The following CALU variants were observed in gnomAD, a reference collection of about 807,000 sequenced individuals.
CALU encodes calumenin.
CALU carries 13 observed loss-of-function variants against 37.5 expected under a neutral mutation model. The ratio of observed to expected loss-of-function variants is 0.35; its 90% CI spans 0.23 to 0.55. The LOEUF is 0.55. Among genes scored for constraint, CALU ranks in the 20% least tolerant of loss-of-function variants. The probability of loss-of-function intolerance (pLI) is 0.89; values close to 1 mark genes in which losing one functional copy is unlikely to be tolerated. For synonymous variants in CALU, 114 were observed against 133.8 expected (o/e 0.85, Z 1.02); for missense variants, 282 against 391.7 (o/e 0.72, Z 2.36).
At chr7:128,747,021 G>A (rs1260018190) in intron 1 of CALU, among the ~76,000 whole-genome samples, 1 of 152,152 alleles carries the variant, frequency 6.6e-6, no homozygotes, top group Non-Finnish European at 1.5e-5. Flanking sequence ...ACCCGCCTCG[G>A]CCTCCCAGTG....
chr7:128,767,054 G>A (rs1401799861), intron 5 of CALU, among the ~76,000 whole-genome samples: 3 of 152,150 alleles, frequency 2.0e-5, no homozygotes, highest in Non-Finnish European at 4.4e-5. Flanking sequence ...CCCAACTGAA[G>A]GCCACTGGTA....
chr7:128,760,237 A>G (rs530240913), intron 5 of CALU, among the ~76,000 whole-genome samples: 1 of 152,234 alleles, frequency 6.6e-6, no homozygotes, highest in East Asian at 1.9e-4. Context: ...CCATAGAAAC[A>G]ATTTACTCCA....
intron 1 of CALU, chr7:128,748,371 A>G: frequency 6.7e-7 from 1 of 1,499,804 alleles, no homozygotes; most frequent in Non-Finnish European, 8.9e-7. Flanking sequence ...GAAACTGGTA[A>G]AAATTTCTCA....
At chr7:128,768,399 G>A (rs1801412335) in intron 6 of CALU, among the ~76,000 whole-genome samples, 1 of 152,142 alleles carries the variant, frequency 6.6e-6, no homozygotes, top group South Asian at 2.1e-4. Context: ...AAAAGGAAAT[G>A]CATGTAGTCA....
intron 5 of CALU, among the ~76,000 whole-genome samples, chr7:128,762,291 T>A (rs946380368): frequency 6.6e-6 from 1 of 152,068 alleles, no homozygotes; most frequent in African/African-American, 2.4e-5. Flanking sequence ...GATATTTCTG[T>A]CTCCCTGTGT....
At position 128,769,420 on chromosome 7, in the gene CALU, GTTTATTTTTGTAT is replaced by G. The variant is rs1562884160; in HGVS notation, c.*257_*269del. On this transcript the variant is annotated 3_prime_UTR_variant, in exon 7 of 7. Coordinates refer to ENST00000249364, the MANE Select transcript of CALU (RefSeq NM_001219.5). ...TTTGTATTATGTATTAACATGGCGT[GTTTATTTTTGTAT>G]TTTTCTCTGGTTGGGAGTATGATAT... is the stretch of plus-strand genomic sequence containing the variant. 8.0e-6 allele frequency: 2 copies of G among 250,944 alleles called. No individual in the cohort carries two copies. Among genetic ancestry groups the G allele is most frequent in the East Asian group, 7.7e-5 (1 of 12,908 alleles). The allele number at this position is 250,944 out of a possible 1,614,324, so 15.5% of individuals were successfully genotyped here. A position where few individuals can be genotyped will look rare whatever the true frequency, so the allele number is the denominator to read the frequency against.
chr7:128,745,783 G>A (rs913432891), intron 1 of CALU, among the ~76,000 whole-genome samples: 3 of 152,146 alleles, frequency 2.0e-5, no homozygotes, highest in Admixed American at 2.0e-4. Context: ...TTCACCCAGA[G>A]CAATATTTTA....
chr7:128,768,575 A>G (rs2128883778), intron 6 of CALU, among the ~76,000 whole-genome samples: 1 of 152,304 alleles, frequency 6.6e-6, no homozygotes, highest in South Asian at 2.1e-4. Flanking sequence ...ACGATGGCTC[A>G]CGCCTGTAAT....
chr7:128,744,579 A>G (rs533255752), intron 1 of CALU, among the ~76,000 whole-genome samples: 1 of 152,164 alleles, frequency 6.6e-6, no homozygotes, highest in South Asian at 2.1e-4. Flanking sequence ...GTAAAGATGG[A>G]CCATTGGCTT....
At chr7:128,762,654 CAACT>C (rs1245709171) in intron 5 of CALU, among the ~76,000 whole-genome samples, 1 of 151,530 alleles carries the variant, frequency 6.6e-6, no homozygotes. Context: ...CAGACGTACA[CAACT>C]TATTTGTTTA....
intron 5 of CALU, among the ~76,000 whole-genome samples, chr7:128,760,090 C>T (rs554165450): frequency 5.3e-5 from 8 of 152,188 alleles, no homozygotes; most frequent in Admixed American, 2.6e-4. Flanking sequence ...CCCAGCTACT[C>T]AGGAGGCTGA....
At chr7:128,747,902 G>A (rs1030152440) in intron 1 of CALU, 1 of 159,172 alleles carries the variant, frequency 6.3e-6, no homozygotes, top group African/African-American at 2.4e-5. Flanking sequence ...GGAAACAACT[G>A]TGCAGAAGGA....
rs566674140 is a variant in CALU at position 128,772,231 on chromosome 7, A to G, written c.*3064A>G. On this transcript the variant is annotated 3_prime_UTR_variant, in exon 7 of 7. Coordinates refer to ENST00000249364, the MANE Select transcript of CALU (RefSeq NM_001219.5). ...TATCCATACACTGAAAACTTAAAGC[A>G]TATTCCTTTTTGGTTGCCTTGTATG... Among the ~76,000 whole-genome samples the G allele has an allele frequency of 2.0e-4, 31 of 152,234 alleles. 1 individual carries two copies. In the South Asian group the frequency reaches 3.5e-3, roughly 17 times the overall value.
chr7:128,746,968 C>T (rs568841425), intron 1 of CALU, among the ~76,000 whole-genome samples: 79 of 152,138 alleles, frequency 5.2e-4, no homozygotes, highest in Middle Eastern at 6.8e-3. Flanking sequence ...CGGGGTTTTA[C>T]CGTGTTAGCC....
chr7:128,750,179 G>A (rs1325219025), intron 2 of CALU, among the ~76,000 whole-genome samples: 3 of 134,568 alleles, frequency 2.2e-5, no homozygotes, highest in Non-Finnish European at 3.0e-5. Context: ...AGTGAGCCGA[G>A]ATCACGCCAC....
chr7:128,739,461 C>T (rs1024129660), intron 1 of CALU, 29 bp downstream of exon 1: 2 of 152,632 alleles, frequency 1.3e-5, no homozygotes, highest in African/African-American at 4.8e-5. Flanking sequence ...AGCCCCTTCA[C>T]CACTGCCTCA....
chr7:128,745,220 G>A (rs1161176030), intron 1 of CALU, among the ~76,000 whole-genome samples: 1 of 152,150 alleles, frequency 6.6e-6, no homozygotes, highest in East Asian at 1.9e-4. Flanking sequence ...GATTTTACTT[G>A]ATTCTGCAAG....
intron 3 of CALU, chr7:128,754,830 G>T (rs1291490929): frequency 2.1e-6 from 1 of 484,284 alleles, no homozygotes. Context: ...TCAATTCAGT[G>T]CTAAGCTGAT....
chr7:128,754,879 T>A (rs1201529462), intron 3 of CALU, among the ~76,000 whole-genome samples: 1 of 152,256 alleles, frequency 6.6e-6, no homozygotes, highest in African/African-American at 2.4e-5. Flanking sequence ...TATGTATTTT[T>A]AAATTTGTTT....
Sources: allele counts gnomAD v4.1 joint callset (sites outside exome capture counted in the v4.1 genomes callset), GRCh38; gene constraint gnomAD v4.1.1; transcripts MANE v1.5; gene names NCBI Gene and HGNC (gene_info 2026-07-23, HGNC 2026-07-21).